The following MAP2 variants were observed in gnomAD, a reference collection of about 807,000 sequenced individuals.
MAP2 encodes microtubule associated protein 2, also known as microtubule-associated protein 2.
A neutral mutation model predicts 137.6 loss-of-function variants in MAP2; 14 were observed. That is an observed-to-expected ratio of 0.10 (90% CI 0.07 to 0.16). MAP2 has a LOEUF of 0.16. MAP2 is among the 10% of genes least tolerant of loss of function. MAP2 has a pLI of 1.00. For missense variants in MAP2, 2,088 were observed against 2,191.5 expected (o/e 0.95, Z 0.94); for synonymous variants, 786 against 782.3 (o/e 1.00, Z -0.08).
chr2:209,704,928 A>T (rs990438796), intron 11 of MAP2, among the ~76,000 whole-genome samples: 1 of 150,530 alleles, frequency 6.6e-6, no homozygotes, highest in African/African-American at 2.4e-5. Flanking sequence ...TATATAATAT[A>T]TAAGAAATAA....
chr2:209,607,956 T>G (rs1157526631), intron 3 of MAP2, among the ~76,000 whole-genome samples: 1 of 152,232 alleles, frequency 6.6e-6, no homozygotes, highest in African/African-American at 2.4e-5. Flanking sequence ...TCACACTCTT[T>G]TCTTAGCATT....
At chr2:209,487,669 A>G (rs1172945037) in intron 1 of MAP2, among the ~76,000 whole-genome samples, 3 of 152,232 alleles carry the variant, frequency 2.0e-5, no homozygotes, top group African/African-American at 7.2e-5. Flanking sequence ...TTGAAGACAA[A>G]TGATTTGAAT....
At chr2:209,525,382 A>G (rs962064997) in intron 2 of MAP2, among the ~76,000 whole-genome samples, 7 of 152,218 alleles carry the variant, frequency 4.6e-5, no homozygotes, top group Non-Finnish European at 1.0e-4. Context: ...ATACCAAAAT[A>G]ACCCAATAAT....
At chr2:209,698,908 G>A (rs1432298939) in intron 10 of MAP2, among the ~76,000 whole-genome samples, 4 of 152,166 alleles carry the variant, frequency 2.6e-5, no homozygotes, top group Non-Finnish European at 5.9e-5. Context: ...CATCAGGATT[G>A]TGGAATTTTA....
At chr2:209,491,483 C>G (rs996641131) in intron 1 of MAP2, among the ~76,000 whole-genome samples, 6 of 151,972 alleles carry the variant, frequency 3.9e-5, no homozygotes, top group African/African-American at 1.5e-4. Context: ...ATGAAACACC[C>G]TTCAAAAAAA....
At chr2:209,690,884 C>A in intron 7 of MAP2, 1 of 1,243,830 alleles carries the variant, frequency 8.0e-7, no homozygotes, top group South Asian at 1.4e-5. Context: ...TGTTTTGTTG[C>A]AAATGATCTC....
intron 13 of MAP2, among the ~76,000 whole-genome samples, chr2:209,722,391 T>G (rs1286410084): frequency 2.0e-5 from 3 of 152,242 alleles, no homozygotes; most frequent in Non-Finnish European, 2.9e-5. Context: ...TTTGAATTAT[T>G]TATTCTTTTT....
intron 1 of MAP2, among the ~76,000 whole-genome samples, chr2:209,502,658 C>G (rs2060521525): frequency 6.6e-6 from 1 of 152,110 alleles, no homozygotes. Context: ...CTTGAGGTAC[C>G]TCCTTACTGT....
At chr2:209,450,315 A>C (rs16842908) in intron 1 of MAP2, among the ~76,000 whole-genome samples, 9,235 of 152,194 alleles carry the variant, frequency 0.061, 915 homozygotes, top group African/African-American at 0.21. Flanking sequence ...TCACACATGT[A>C]ATAAGCCAAG....
At chr2:209,481,392 C>A (rs1708734113) in intron 1 of MAP2, among the ~76,000 whole-genome samples, 1 of 152,208 alleles carries the variant, frequency 6.6e-6, no homozygotes, top group South Asian at 2.1e-4. Context: ...AACTACTGAG[C>A]TTTCTCTACT....
chr2:209,660,859 C>G (rs1315549466), intron 5 of MAP2, among the ~76,000 whole-genome samples: 58 of 149,412 alleles, frequency 3.9e-4, no homozygotes, highest in Admixed American at 3.6e-3. Context: ...CTCAGCCTCC[C>G]GAGTAACTGG....
chr2:209,729,671 C>T (rs901014994), intron 14 of MAP2, among the ~76,000 whole-genome samples, 179 bp from the exon 15 acceptor site: 5 of 152,090 alleles, frequency 3.3e-5, no homozygotes, highest in African/African-American at 1.2e-4. Context: ...GGTCTTGCAT[C>T]ATATGAGGAA....
rs187638076 is a variant in MAP2 at position 209,520,746 on chromosome 2, G to A, written c.-172+13105G>A. ...GTCATTTGCTTATTAAAAGGTGGTTGTTTCATAGGATATTTTCTCACAGTA... is the reference window on the plus strand; with the variant it reads ...GTCATTTGCTTATTAAAAGGTGGTTATTTCATAGGATATTTTCTCACAGTA... On this transcript the variant is annotated intron_variant, in intron 2 of 15. Transcript: ENST00000682079. Among the ~76,000 whole-genome samples, 11 of 152,032 alleles carry A rather than the reference G, an allele frequency of 7.2e-5. No homozygotes were observed. In the East Asian group the frequency reaches 1.9e-3, roughly 27 times the overall value.
chr2:209,628,766 A>G (rs1270403321), intron 4 of MAP2, among the ~76,000 whole-genome samples: 1 of 152,094 alleles, frequency 6.6e-6, no homozygotes, highest in Non-Finnish European at 1.5e-5. Flanking sequence ...ATCTCCTCTC[A>G]TGGAGGGCAG....
intron 1 of MAP2, among the ~76,000 whole-genome samples, chr2:209,436,793 A>G (rs530998959): frequency 6.6e-6 from 1 of 151,850 alleles, no homozygotes; most frequent in East Asian, 1.9e-4. Context: ...TAGTAATCTC[A>G]GAATAAAATC....
At chr2:209,669,255 G>A (rs1022066826) in intron 5 of MAP2, among the ~76,000 whole-genome samples, 8 of 152,012 alleles carry the variant, frequency 5.3e-5, no homozygotes, top group African/African-American at 1.7e-4. Context: ...ATCTGATTAC[G>A]CAGAAGTCAT....
At chr2:209,541,679 G>A (rs1005027979) in intron 2 of MAP2, among the ~76,000 whole-genome samples, 2 of 152,140 alleles carry the variant, frequency 1.3e-5, no homozygotes, top group Non-Finnish European at 2.9e-5. Flanking sequence ...ACCAGGAGTA[G>A]ATTTTATCTC....
intron 13 of MAP2, among the ~76,000 whole-genome samples, chr2:209,713,096 G>A (rs1172093863): frequency 6.6e-6 from 1 of 152,150 alleles, no homozygotes; most frequent in Non-Finnish European, 1.5e-5. Context: ...AATTAAAGAT[G>A]TAACTTTAAT....
At chr2:209,634,415 G>A (rs929114882) in intron 4 of MAP2, among the ~76,000 whole-genome samples, 1 of 152,018 alleles carries the variant, frequency 6.6e-6, no homozygotes, top group Non-Finnish European at 1.5e-5. Flanking sequence ...TGTCCTCTTC[G>A]TAGTCAGCCA....
Sources: allele counts gnomAD v4.1 joint callset (sites outside exome capture counted in the v4.1 genomes callset), GRCh38; gene constraint gnomAD v4.1.1; transcripts MANE v1.5; gene names NCBI Gene and HGNC (gene_info 2026-07-23, HGNC 2026-07-21).